FAS: variants seen among roughly 807,000 people sequenced by gnomAD.
FAS encodes the protein Fas cell surface death receptor.
In FAS, 5 loss-of-function variants were observed where a neutral mutation model predicts 33.2. The observed-to-expected ratio is 0.15, with a 90% CI of 0.08 to 0.32. The LOEUF is 0.32. Among genes scored for constraint, FAS ranks in the 10% least tolerant of loss-of-function variants. The pLI is 1.00. For synonymous variants in FAS, 131 were observed against 130.7 expected, an observed-to-expected ratio of 1.00 and a Z score of -0.01; for missense variants, 339 against 386.0, an observed-to-expected ratio of 0.88 and a Z score of 1.02.
intron 1 of FAS, among the ~76,000 whole-genome samples, chr10:88,993,392 G>A (rs1478659793): frequency 6.6e-6 from 1 of 151,956 alleles, no homozygotes; most frequent in East Asian, 1.9e-4. Flanking sequence ...AGAAATGCCA[G>A]CTTGCTAATT....
At chr10:89,003,826 G>A (rs1848071672) in intron 2 of FAS, among the ~76,000 whole-genome samples, 1 of 152,058 alleles carries the variant, frequency 6.6e-6, no homozygotes, top group Non-Finnish European at 1.5e-5. Context: ...TCAACTTTGA[G>A]TAGAGTTGAA....
At position 89,010,680 on chromosome 10, in the gene FAS, TACTA is replaced by T. The variant is rs1413712944; in HGVS notation, c.506-72_506-69del. On this transcript the variant is annotated intron_variant, in intron 5 of 8. Transcript: ENST00000652046. ...TGAAGAAAAACCAATCACTCTTGAT[TACTA>T]GAAAGTCCTTTATTTAATCTTAAAG... 11 of 1,606,236 alleles carry T rather than the reference TACTA, an allele frequency of 6.8e-6. No homozygotes were observed. In the Admixed American group the frequency reaches 8.3e-5, roughly 12 times the overall value.
At chr10:88,997,509 C>A (rs919036642) in intron 1 of FAS, among the ~76,000 whole-genome samples, 1 of 152,074 alleles carries the variant, frequency 6.6e-6, no homozygotes, top group Non-Finnish European at 1.5e-5. Context: ...GATAAGATTA[C>A]CATGTGTATT....
intron 2 of FAS, among the ~76,000 whole-genome samples, chr10:88,980,993 T>G (rs1846696969): frequency 6.6e-6 from 1 of 152,104 alleles, no homozygotes; most frequent in African/African-American, 2.4e-5. Flanking sequence ...AAAGTGGGAT[T>G]TGGACTATGG....
intron 2 of FAS, among the ~76,000 whole-genome samples, chr10:89,006,396 G>A (rs1190234484): frequency 6.6e-6 from 1 of 152,042 alleles, no homozygotes; most frequent in Non-Finnish European, 1.5e-5. Flanking sequence ...GTCATAATTT[G>A]CTCATGTAGT....
chr10:89,010,488 A>C (rs530145755), intron 4 of FAS, 51 bp from the exon 5 acceptor site: 1 of 1,500,884 alleles, frequency 6.7e-7, no homozygotes, highest in African/African-American at 1.4e-5. Context: ...GAAAATTATA[A>C]AGGAATTATT....
intron 2 of FAS, among the ~76,000 whole-genome samples, chr10:88,981,601 C>T (rs1394072404): frequency 6.6e-6 from 1 of 152,100 alleles, no homozygotes; most frequent in Non-Finnish European, 1.5e-5. Flanking sequence ...AATCCAACAG[C>T]TGCTTTGTTA....
Position 89,014,886 on chromosome 10 carries a change from C to T in FAS, c.*436C>T, listed in dbSNP as rs143388574. 4.5e-4 allele frequency: 241 copies of T among 536,352 alleles called. 2 individuals are homozygous for T. The highest frequency in any genetic ancestry group is 4.0e-3 in the African/African-American group (217 of 54,064). 33.2% of individuals were successfully genotyped at this position (536,352 alleles called of 1,614,324 possible). ...ACTGAACAGGCAGGCCACTTTGCCTCTAAATTACCTCTGATAATTCTAGAG... is the reference window on the plus strand; with the variant it reads ...ACTGAACAGGCAGGCCACTTTGCCTTTAAATTACCTCTGATAATTCTAGAG... On this transcript the variant is annotated 3_prime_UTR_variant, in exon 9 of 9. Transcript: ENST00000652046.
At chr10:89,012,682 A>T (rs1589487057) in intron 7 of FAS, 1 of 156,596 alleles carries the variant, frequency 6.4e-6, no homozygotes, top group East Asian at 1.9e-4. Context: ...TGTTGTTGTT[A>T]TCCCTGCAGA....
In FAS at chr10:89,008,891, T is replaced by G; in HGVS notation, c.337T>G (p.Leu113Val). The G allele has an allele frequency of 6.2e-7, 1 of 1,613,910 alleles. No individual in the cohort carries two copies. The highest frequency in any genetic ancestry group is 8.5e-7 in the Non-Finnish European group (1 of 1,179,798). ...TAGTTTCCAAACTGATTTTCTAGGC[T>G]TAGAAGTGGAAATAAACTGCACCCG... is the stretch of plus-strand genomic sequence containing the variant. ...RCRLCDEGHGLEVEINCTRTQ... is the reference protein window; with the variant it reads ...RCRLCDEGHGVEVEINCTRTQ... Residue 113 changes from leucine to valine, a missense_variant and splice_region_variant, in exon 4 of 9, where the codon TTA becomes GTA. Leu to Val is a conservative substitution (Grantham distance 32). Around this residue, in one of 3 missense-constraint regions of FAS, gnomAD observed 276 missense variants for 300.1 expected, o/e 0.92. Transcript: ENST00000652046.
At chr10:88,990,441 C>A (rs9658676), upstream of FAS, 4,944 of 494,206 alleles carry the variant, frequency 0.01, 195 homozygotes, top group African/African-American at 0.083. The surrounding 1 kb of genome is among the most constrained non-coding windows in gnomAD (Gnocchi z 4.9). Context: ...CTGAAGTGAG[C>A]ATGCCAGCCA....
At position 88,973,100 on chromosome 10, in the gene FAS, A is replaced by G. The variant is rs983096682; in HGVS notation, n.95-82A>G. 15 of 1,414,436 alleles carry G rather than the reference A, an allele frequency of 1.1e-5. No homozygotes were observed. The Admixed American group carries it at 2.7e-4, about 26-fold the overall frequency. The allele number at this position is 1,414,436 out of a possible 1,614,324, so 87.6% of individuals were successfully genotyped here. On this transcript the variant is annotated intron_variant and non_coding_transcript_variant, in intron 1 of 3. Coordinates refer to the FAS transcript ENST00000688239. ...CTTTCAAAAAATAATTTTAACTTCT[A>G]TGTTTTATTTTTCTATTTTAATTTT...
At chr10:89,008,113 TA>T (rs1262071140) in intron 3 of FAS, among the ~76,000 whole-genome samples, 1 of 152,122 alleles carries the variant, frequency 6.6e-6, no homozygotes, top group Non-Finnish European at 1.5e-5. Flanking sequence ...GCTCAGAAAT[TA>T]TTTTTTTTCT....
At chr10:88,984,146 A>C (rs544181426), upstream of FAS, among the ~76,000 whole-genome samples, 56 of 152,340 alleles carry the variant, frequency 3.7e-4, no homozygotes, top group African/African-American at 1.3e-3. Context: ...GATGTTGAGC[A>C]AACACTTGTT....
Position 89,014,522 on chromosome 10 carries a change from A to G in FAS, c.*72A>G. 7.1e-7 allele frequency: 1 copy of G among 1,417,596 alleles called. No individual in the cohort carries two copies. The highest frequency in any genetic ancestry group is 9.7e-7 in the Non-Finnish European group (1 of 1,026,378). 87.8% of individuals were successfully genotyped at this position (1,417,596 alleles called of 1,614,324 possible). A position where few individuals can be genotyped will look rare whatever the true frequency, so the allele number is the denominator to read the frequency against. On this transcript the variant is annotated 3_prime_UTR_variant, in exon 9 of 9. Transcript: ENST00000652046. ...GAAAAGATTCTTAATAGCTGGCTGTAAATACTGCTTGGTTTTTTACTGGGT... is the reference window on the plus strand; with the variant it reads ...GAAAAGATTCTTAATAGCTGGCTGTGAATACTGCTTGGTTTTTTACTGGGT...
chr10:88,977,569 C>G (rs75525420), intron 2 of FAS, among the ~76,000 whole-genome samples: 1 of 151,890 alleles, frequency 6.6e-6, no homozygotes, highest in Non-Finnish European at 1.5e-5. Flanking sequence ...ACAAACAGCC[C>G]CATCAAAAAG....
At position 89,015,763 on chromosome 10, in the gene FAS, G is replaced by A. The variant is rs192544176; in HGVS notation, c.*1313G>A. 10 of 486,822 alleles carry A rather than the reference G, an allele frequency of 2.1e-5. No homozygotes were observed. Among genetic ancestry groups the A allele is most frequent in the African/African-American group, 7.6e-5 (4 of 52,610 alleles). The allele number at this position is 486,822 out of a possible 1,614,324, so 30.2% of individuals were successfully genotyped here. ...AATTATAAAATATAGGTAAAAGTAC[G>A]TAATTAAATAATGTTTTTGGTATTT... is the stretch of plus-strand genomic sequence containing the variant. On this transcript the variant is annotated 3_prime_UTR_variant, in exon 9 of 9. Transcript: ENST00000652046.
At position 89,014,126 on chromosome 10, in the gene FAS, C is replaced by T. The variant is rs1848665121; in HGVS notation, c.684C>T (p.Asp228=). The change falls in exon 9 of 9, where the codon GAC becomes GAT. Residue 228 remains aspartate (D), a synonymous_variant. Transcript: ENST00000652046. Reference sequence around the variant, plus strand: ...CTATTTTCTATTTTTCAGATGTTGACTTGAGTAAATATATCACCACTATTG... The same window carrying T: ...CTATTTTCTATTTTTCAGATGTTGATTTGAGTAAATATATCACCACTATTG... The part of the protein sequence containing the change: ...ETVAINLSDV[D]LSKYITTIAG... The T allele has an allele frequency of 2.5e-6, 4 of 1,613,340 alleles. No individual in the cohort carries two copies. The highest frequency in any genetic ancestry group is 3.4e-6 in the Non-Finnish European group (4 of 1,179,818).
intron 2 of FAS, 97 bp from the exon 3 acceptor site, chr10:89,007,603 T>G: frequency 1.3e-5 from 18 of 1,437,950 alleles, no homozygotes; most frequent in Non-Finnish European, 1.3e-5. Flanking sequence ...CCCCTTGTGT[T>G]TTAGAAGAGT....
Sources: allele counts gnomAD v4.1 joint callset (sites outside exome capture counted in the v4.1 genomes callset), GRCh38; gene constraint gnomAD v4.1.1; regional missense constraint gnomAD v4.1.1; non-coding constraint Gnocchi (gnomAD v3.1); transcripts MANE v1.5; gene names NCBI Gene and HGNC (gene_info 2026-07-23, HGNC 2026-07-21).